TINAGL1: variants seen among roughly 807,000 people sequenced by gnomAD.
TINAGL1 encodes the protein tubulointerstitial nephritis antigen-like.
Under a neutral mutation model 62.0 loss-of-function variants are expected in TINAGL1, and 34 were observed. The observed-to-expected ratio is 0.55, with a 90% CI of 0.42 to 0.73. The LOEUF (loss-of-function observed/expected upper bound fraction) is 0.73, where lower values mean the gene tolerates loss of function less well. Among genes scored for constraint, TINAGL1 ranks in the 30% least tolerant of loss-of-function variants. The pLI, the probability that TINAGL1 is intolerant of heterozygous loss-of-function variation, is 0.00. For synonymous variants in TINAGL1, 221 were observed against 249.7 expected (o/e 0.88, Z 1.08); for missense variants, 516 against 653.2 (o/e 0.79, Z 2.29).
Position 31,585,246 on chromosome 1 carries a change from G to A in TINAGL1, c.953G>A (p.Arg318Gln), listed in dbSNP as rs200401314. Residue 318 changes from arginine to glutamine, a missense_variant, in exon 8 of 12, where the codon CGG (arginine) becomes CAG (glutamine). Coordinates refer to ENST00000271064, the MANE Select transcript of TINAGL1 (RefSeq NM_022164.3). The surrounding 1 kb of genome is among the most constrained non-coding windows in gnomAD (Gnocchi z 4.3). ...PCMMHSRAMG[R>Q]GKRQATAHCP... ...ATGATGCACAGCCGAGCCATGGGTC[G>A]GGGCAAGCGCCAGGCCACTGCCCAC... 19 of 1,613,456 alleles carry A rather than the reference G, an allele frequency of 1.2e-5. No homozygotes were observed. Among genetic ancestry groups the A allele is most frequent in the Middle Eastern group, 1.6e-4 (1 of 6,080 alleles).
In TINAGL1 at chr1:31,584,529, T is replaced by C. The variant is rs1302107690; in HGVS notation, c.583-149T>C. On this transcript the variant is annotated intron_variant, in intron 5 of 11. Coordinates refer to ENST00000271064, the MANE Select transcript of TINAGL1 (RefSeq NM_022164.3). The surrounding 1 kb of genome is among the most constrained non-coding windows in gnomAD (Gnocchi z 4.0). ...CTTGGTTCTTCAACACAAGTCAAAA[T>C]TGGAGGCAGCTGGAATCCTGCAGCA... is the stretch of plus-strand genomic sequence containing the variant. 7 of 1,263,254 alleles carry C rather than the reference T, an allele frequency of 5.5e-6. No homozygotes were observed. The highest frequency in any genetic ancestry group is 2.2e-5 in the Admixed American group (1 of 44,602). 78.3% of individuals were successfully genotyped at this position (1,263,254 alleles called of 1,614,324 possible). A position where few individuals can be genotyped will look rare whatever the true frequency, so the allele number is the denominator to read the frequency against.
chr1:31,577,473 G>A lies in TINAGL1; in HGVS notation c.310+15G>A. The A allele has an allele frequency of 6.3e-7, 1 of 1,592,726 alleles. No homozygotes were observed. The highest frequency in any genetic ancestry group is 8.6e-7 in the Non-Finnish European group (1 of 1,168,126). On this transcript the variant is annotated intron_variant, in intron 2 of 11. Transcript: ENST00000271064. This position sits in a 1 kb window ranked among gnomAD's most constrained non-coding sequence, Gnocchi z 5.4. Reference sequence around the variant, plus strand: ...CCCGATCCAAGGTGGGCACTAAGATGGCCAGGAGGGTGGGTCACTTTGTCC... The same window carrying A: ...CCCGATCCAAGGTGGGCACTAAGATAGCCAGGAGGGTGGGTCACTTTGTCC...
intron 10 of TINAGL1, 155 bp downstream of exon 10, chr1:31,586,031 TG>T: frequency 9.0e-7 from 1 of 1,107,838 alleles, no homozygotes; most frequent in Non-Finnish European, 1.2e-6. Context: ...AGAAAGGACT[TG>T]CCCTGGGTCG....
rs199730232 is a variant in TINAGL1, at chr1:31,584,867, C to T, written c.707-19C>T. ...CAAGTCCTGAGCCTCCCGACAGCCC[C>T]TCTATCTCACCCCACCAGCTGTGGC... On this transcript the variant is annotated intron_variant, in intron 6 of 11. Coordinates refer to ENST00000271064, the MANE Select transcript of TINAGL1 (RefSeq NM_022164.3). The surrounding 1 kb of genome is among the most constrained non-coding windows in gnomAD (Gnocchi z 4.0). The T allele has an allele frequency of 4.7e-3, 7,539 of 1,613,056 alleles. 127 individuals are homozygous for T. The highest frequency in any genetic ancestry group is 0.04 in the South Asian group (3,678 of 91,070).
chr1:31,585,929 G>T lies in TINAGL1; in HGVS notation c.1217+53G>T. ...TGGGACAGCAGGGTTTGTGCTAGGG[G>T]CTCTGGAGCCTGCCTTGGGTTCTTA... On this transcript the variant is annotated intron_variant, in intron 10 of 11. Coordinates refer to ENST00000271064, the MANE Select transcript of TINAGL1 (RefSeq NM_022164.3). This position sits in a 1 kb window ranked among gnomAD's most constrained non-coding sequence, Gnocchi z 4.3. 1 of 1,510,070 alleles carries T rather than the reference G, an allele frequency of 6.6e-7. No homozygotes were observed. Among genetic ancestry groups the T allele is most frequent in the Non-Finnish European group, 8.9e-7 (1 of 1,126,110 alleles). 93.5% of individuals were successfully genotyped at this position (1,510,070 alleles called of 1,614,324 possible).
At position 31,577,562 on chromosome 1, in the gene TINAGL1, T is replaced by A; in HGVS notation, c.310+104T>A. ...ATGCACTGACATTTCCAGGGGAAGC[T>A]CTGTAGAATCTGGGACTCTTCCCTG... On this transcript the variant is annotated intron_variant, in intron 2 of 11. Coordinates refer to ENST00000271064, the MANE Select transcript of TINAGL1 (RefSeq NM_022164.3). This position sits in a 1 kb window ranked among gnomAD's most constrained non-coding sequence, Gnocchi z 5.4. 7.8e-7 allele frequency: 1 copy of A among 1,284,906 alleles called. No homozygotes were observed. The highest frequency in any genetic ancestry group is 1.1e-6 in the Non-Finnish European group (1 of 930,474). 79.6% of individuals were successfully genotyped at this position (1,284,906 alleles called of 1,614,324 possible).
In TINAGL1 at chr1:31,576,587, C is replaced by T. The variant is rs970907361; in HGVS notation, c.-24C>T. 1.3e-5 allele frequency: 2 copies of T among 152,486 alleles called. No homozygotes were observed. The highest frequency in any genetic ancestry group is 3.9e-4 in the East Asian group (2 of 5,178). 9.4% of individuals were successfully genotyped at this position (152,486 alleles called of 1,614,324 possible). On this transcript the variant is annotated 5_prime_UTR_variant, in exon 1 of 12. Coordinates refer to ENST00000271064, the MANE Select transcript of TINAGL1 (RefSeq NM_022164.3). The surrounding 1 kb of genome is among the most constrained non-coding windows in gnomAD (Gnocchi z 5.1). ...GGCCAGCCTGGGCCCCAGCCCACAC[C>T]TTCACCAGGTAGGGACGCTCCCCTG...
chr1:31,585,088 G>A lies in TINAGL1; in HGVS notation c.857+52G>A, dbSNP rs757901008. 4.5e-6 allele frequency: 7 copies of A among 1,566,896 alleles called. No individual in the cohort carries two copies. Among genetic ancestry groups the A allele is most frequent in the Middle Eastern group, 1.7e-4 (1 of 5,822 alleles). On this transcript the variant is annotated intron_variant, in intron 7 of 11. Coordinates refer to ENST00000271064, the MANE Select transcript of TINAGL1 (RefSeq NM_022164.3). The surrounding 1 kb of genome is among the most constrained non-coding windows in gnomAD (Gnocchi z 4.3). ...GAGAAGAGGGCAAGGAGCTCCGTGGGCATGGCCTGGGCCATGATGCACTGA... is the reference window on the plus strand; with the variant it reads ...GAGAAGAGGGCAAGGAGCTCCGTGGACATGGCCTGGGCCATGATGCACTGA...
At chr1:31,578,376 GTA>G (rs1353258028) in intron 2 of TINAGL1, among the ~76,000 whole-genome samples, 129 of 139,920 alleles carry the variant, frequency 9.2e-4, no homozygotes, top group African/African-American at 3.0e-3. Flanking sequence ...GTGAGAGCTG[GTA>G]TGTGTGTGTG....
In TINAGL1 at chr1:31,577,069, G is replaced by A; in HGVS notation, c.-15-65G>A. 7.3e-7 allele frequency: 1 copy of A among 1,367,996 alleles called. No individual in the cohort carries two copies. Among genetic ancestry groups the A allele is most frequent in the East Asian group, 2.5e-5 (1 of 39,244 alleles). The allele number at this position is 1,367,996 out of a possible 1,614,324, so 84.7% of individuals were successfully genotyped here. On this transcript the variant is annotated intron_variant, in intron 1 of 11. Coordinates refer to ENST00000271064, the MANE Select transcript of TINAGL1 (RefSeq NM_022164.3). This position sits in a 1 kb window ranked among gnomAD's most constrained non-coding sequence, Gnocchi z 5.4. ...GGCCCTCTTGAACTCACAGCTCCAG[G>A]AAACTGGGAGACTCATCCCTGGTGT...
chr1:31,587,136 C>T lies in TINAGL1; in HGVS notation c.*157C>T. The stretch of plus-strand genomic sequence containing the variant: ...CGGCGCGGGTTCCGCTGACGCAGCG[C>T]CCCGCCTGGGAGCCGCGGGCAGGCG... On this transcript the variant is annotated 3_prime_UTR_variant, in exon 12 of 12. Transcript: ENST00000271064. 8.5e-7 allele frequency: 1 copy of T among 1,171,520 alleles called. No individual in the cohort carries two copies. Among genetic ancestry groups the T allele is most frequent in the Non-Finnish European group, 1.1e-6 (1 of 917,824 alleles). 72.6% of individuals were successfully genotyped at this position (1,171,520 alleles called of 1,614,324 possible).
At position 31,585,339 on chromosome 1, in the gene TINAGL1, A is replaced by G. The variant is rs778311040; in HGVS notation, c.1046A>G (p.Asn349Ser). ...ACTCCTGTCTACCGCCTCGGCTCCAACGTAAGTCAGCACTTGGGTGAGGGC... is the reference window on the plus strand; with the variant it reads ...ACTCCTGTCTACCGCCTCGGCTCCAGCGTAAGTCAGCACTTGGGTGAGGGC... ...QVTPVYRLGSNDKEIMKELME... is the reference protein window; with the variant it reads ...QVTPVYRLGSSDKEIMKELME... The change falls in exon 8 of 12, where the codon AAC becomes AGC. Residue 349 changes from asparagine to serine, a missense_variant and splice_region_variant. Coordinates refer to ENST00000271064, the MANE Select transcript of TINAGL1 (RefSeq NM_022164.3). This position sits in a 1 kb window ranked among gnomAD's most constrained non-coding sequence, Gnocchi z 4.3. The G allele has an allele frequency of 1.6e-5, 25 of 1,604,332 alleles. No homozygotes were observed. Among genetic ancestry groups the G allele is most frequent in the East Asian group, 4.5e-5 (2 of 44,694 alleles).
chr1:31,585,609 C>A lies in TINAGL1; in HGVS notation c.1093+124C>A, dbSNP rs1204862550. The A allele has an allele frequency of 2.0e-6, 3 of 1,533,032 alleles. 1 individual carries two copies. 95.0% of individuals were successfully genotyped at this position (1,533,032 alleles called of 1,614,324 possible). A position where few individuals can be genotyped will look rare whatever the true frequency, so the allele number is the denominator to read the frequency against. ...CCAGTAGGGCCAGGAGTAGGGGTCCCCCCCTCCCACAGGCAGCACCTGGAG... is the reference window on the plus strand; with the variant it reads ...CCAGTAGGGCCAGGAGTAGGGGTCCACCCCTCCCACAGGCAGCACCTGGAG... On this transcript the variant is annotated intron_variant, in intron 9 of 11. Transcript: ENST00000271064. This position sits in a 1 kb window ranked among gnomAD's most constrained non-coding sequence, Gnocchi z 4.3.
At position 31,584,492 on chromosome 1, in the gene TINAGL1, C is replaced by T; in HGVS notation, c.583-186C>T. On this transcript the variant is annotated intron_variant, in intron 5 of 11. Transcript: ENST00000271064. This position sits in a 1 kb window ranked among gnomAD's most constrained non-coding sequence, Gnocchi z 4.0. ...GCCCCACCACCTGATACCTGGGAGG[C>T]ACTAAATGGTGCTTGGTTCTTCAAC... 2.5e-6 allele frequency: 2 copies of T among 784,608 alleles called. No homozygotes were observed. Among genetic ancestry groups the T allele is most frequent in the South Asian group, 1.8e-5 (1 of 56,638 alleles). 48.6% of individuals were successfully genotyped at this position (784,608 alleles called of 1,614,324 possible).
intron 3 of TINAGL1, chr1:31,580,644 T>A: frequency 7.8e-7 from 1 of 1,289,230 alleles, no homozygotes; most frequent in Non-Finnish European, 1.0e-6. Flanking sequence ...GGGTCTTGGC[T>A]CCCCTTGAGG....
Position 31,587,069 on chromosome 1 carries a change from C to G in TINAGL1, c.*90C>G. 10 of 1,347,064 alleles carry G rather than the reference C, an allele frequency of 7.4e-6. No individual in the cohort carries two copies. Among genetic ancestry groups the G allele is most frequent in the Non-Finnish European group, 9.5e-6 (10 of 1,056,248 alleles). 83.4% of individuals were successfully genotyped at this position (1,347,064 alleles called of 1,614,324 possible). On this transcript the variant is annotated 3_prime_UTR_variant, in exon 12 of 12. Transcript: ENST00000271064. The stretch of plus-strand genomic sequence containing the variant: ...ATGGGGCGGTGACCCCAGCCTCGCC[C>G]GACAGAGCCCGGGGCGCAGGCGGGC...
In TINAGL1 at chr1:31,584,981, C is replaced by T; in HGVS notation, c.802C>T (p.Gln268Ter). The change falls in exon 7 of 12, where the codon CAG (glutamine) becomes TAG (stop). Residue 268 changes from glutamine (Q) to a stop codon, truncating the protein, a stop_gained. Coordinates refer to ENST00000271064, the MANE Select transcript of TINAGL1 (RefSeq NM_022164.3). LOFTEE classifies it high-confidence loss of function. This position sits in a 1 kb window ranked among gnomAD's most constrained non-coding sequence, Gnocchi z 4.0. The stretch of plus-strand genomic sequence containing the variant: ...GCTGTCTTGTGACACCCACCAGCAG[C>T]AGGGCTGCCGCGGTGGGCGTCTCGA... ...NLLSCDTHQQ[Q>*]GCRGGRLDGA... 3.1e-6 allele frequency: 5 copies of T among 1,611,774 alleles called. No individual in the cohort carries two copies. The highest frequency in any genetic ancestry group is 3.4e-6 in the Non-Finnish European group (4 of 1,178,100).
Position 31,585,233 on chromosome 1 carries a change from C to CCCT in TINAGL1, c.940_941insCCT (p.Arg314delinsProTer). ...TGCGCCCCCCTGTATGATGCACAGC[C>CCCT]GAGCCATGGGTCGGGGCAAGCGCCA... On this transcript the variant is annotated stop_gained and protein_altering_variant, in exon 8 of 12. Transcript: ENST00000271064. LOFTEE classifies it high-confidence loss of function. This position sits in a 1 kb window ranked among gnomAD's most constrained non-coding sequence, Gnocchi z 4.3. 6.2e-7 allele frequency: 1 copy of CCCT among 1,613,484 alleles called. No individual in the cohort carries two copies. The highest frequency in any genetic ancestry group is 8.5e-7 in the Non-Finnish European group (1 of 1,179,698).
At chr1:31,580,278 G>C in intron 3 of TINAGL1, 1 of 1,191,864 alleles carries the variant, frequency 8.4e-7, no homozygotes, top group Non-Finnish European at 1.1e-6. Context: ...TGCTGTCCCT[G>C]GCCCCTTAGG....
Sources: allele counts gnomAD v4.1 joint callset (sites outside exome capture counted in the v4.1 genomes callset), GRCh38; gene constraint gnomAD v4.1.1; non-coding constraint Gnocchi (gnomAD v3.1); transcripts MANE v1.5; gene names NCBI Gene and HGNC (gene_info 2026-07-23, HGNC 2026-07-21).